Variants in CYP19A1 observed in about 807,000 individuals in gnomAD.
CYP19A1 encodes cytochrome P450 family 19 subfamily A member 1.
CYP19A1 carries 32 observed loss-of-function variants against 44.4 expected under a neutral mutation model. The observed-to-expected ratio is 0.72, with a 90% CI of 0.54 to 0.97. CYP19A1 has a LOEUF of 0.97. Among genes scored for constraint, CYP19A1 ranks in the 50% least tolerant of loss-of-function variants. The pLI, the probability that CYP19A1 is intolerant of heterozygous loss-of-function variation, is 0.00. For synonymous variants in CYP19A1, 212 were observed against 215.6 expected, an observed-to-expected ratio of 0.98 and a Z score of 0.14; for missense variants, 598 against 637.8, an observed-to-expected ratio of 0.94 and a Z score of 0.67.
At chr15:51,304,507 C>T (rs2036175150) in intron 1 of CYP19A1, among the ~76,000 whole-genome samples, 1 of 152,214 alleles carries the variant, frequency 6.6e-6, no homozygotes, top group African/African-American at 2.4e-5. Context: ...AGCCCACTCC[C>T]ATGTCAAGTT....
intron 1 of CYP19A1, among the ~76,000 whole-genome samples, chr15:51,257,868 T>C (rs1176534977): frequency 6.6e-6 from 1 of 152,204 alleles, no homozygotes; most frequent in Non-Finnish European, 1.5e-5. Flanking sequence ...TGTGTGCAAA[T>C]GTGTACATAC....
intron 1 of CYP19A1, among the ~76,000 whole-genome samples, chr15:51,269,044 CAA>C (rs2035029931): frequency 6.6e-6 from 1 of 151,954 alleles, no homozygotes; most frequent in African/African-American, 2.4e-5. Context: ...AATTTTTGAT[CAA>C]GTTTGTCAAG....
At chr15:51,211,421 C>T (rs770783873) in intron 9 of CYP19A1, among the ~76,000 whole-genome samples, 1 of 152,134 alleles carries the variant, frequency 6.6e-6, no homozygotes, top group Non-Finnish European at 1.5e-5. Flanking sequence ...TTGTGTGACA[C>T]CATATAAGAG....
intron 3 of CYP19A1, among the ~76,000 whole-genome samples, chr15:51,232,266 C>T (rs536310589): frequency 6.6e-6 from 1 of 152,320 alleles, no homozygotes; most frequent in African/African-American, 2.4e-5. Context: ...CCTGTGACCT[C>T]CCTGTTGCTA....
chr15:51,288,954 G>A (rs539365151), intron 1 of CYP19A1, among the ~76,000 whole-genome samples: 2 of 152,306 alleles, frequency 1.3e-5, no homozygotes, highest in East Asian at 1.9e-4. Flanking sequence ...TGACCTCCCC[G>A]CAACATAACT....
chr15:51,229,051 A>G (rs554578465), intron 3 of CYP19A1, among the ~76,000 whole-genome samples: 22 of 152,266 alleles, frequency 1.4e-4, no homozygotes, highest in South Asian at 8.3e-4. Flanking sequence ...GTTGAAATAC[A>G]TTCCCAGAGG....
rs117635399 is a variant in CYP19A1, at chr15:51,319,155, C to T, written c.-39+19340G>A. Reference sequence around the variant, plus strand: ...ACTCTCACCATTCCTTTTCAAGCTCCGCCTAAGTGTCTCACCCCTACACCC... The same window carrying T: ...ACTCTCACCATTCCTTTTCAAGCTCTGCCTAAGTGTCTCACCCCTACACCC... On this transcript the variant is annotated intron_variant, in intron 1 of 9. Coordinates refer to ENST00000396402, the MANE Select transcript of CYP19A1 (RefSeq NM_000103.4). 7.2e-5 allele frequency among the ~76,000 whole-genome samples: 11 copies of T among 152,292 alleles called. No individual in the cohort carries two copies. In the East Asian group the frequency reaches 1.2e-3, roughly 16 times the overall value.
chr15:51,292,908 C>A (rs545791031), intron 1 of CYP19A1, among the ~76,000 whole-genome samples: 2 of 151,366 alleles, frequency 1.3e-5, no homozygotes, highest in Admixed American at 6.6e-5. Context: ...TGCTCTGATT[C>A]TCTGCTTGGC....
intron 1 of CYP19A1, among the ~76,000 whole-genome samples, chr15:51,244,813 T>C (rs949069093): frequency 1.3e-5 from 2 of 152,178 alleles, no homozygotes; most frequent in Non-Finnish European, 2.9e-5. Context: ...AGAGATAAGA[T>C]GTTGCAAGCT....
chr15:51,214,844 T>C (rs2031405753), intron 8 of CYP19A1, among the ~76,000 whole-genome samples: 1 of 152,202 alleles, frequency 6.6e-6, no homozygotes, highest in Non-Finnish European at 1.5e-5. Context: ...CATTCTGTGA[T>C]TTAAATTCCT....
intron 1 of CYP19A1, among the ~76,000 whole-genome samples, chr15:51,292,649 G>A (rs2035873430): frequency 6.6e-6 from 1 of 152,154 alleles, no homozygotes; most frequent in Non-Finnish European, 1.5e-5. Flanking sequence ...ACTTGCACGG[G>A]GGCCAAGGGA....
chr15:51,212,631 T>C, intron 8 of CYP19A1, 70 bp from the exon 9 acceptor site: 1 of 1,049,624 alleles, frequency 9.5e-7, no homozygotes, highest in Non-Finnish European at 1.5e-6. Context: ...TTAAAGCTTC[T>C]ATTTTTTTCC....
intron 1 of CYP19A1, among the ~76,000 whole-genome samples, chr15:51,267,741 C>T (rs1486321119): frequency 6.6e-6 from 1 of 152,226 alleles, no homozygotes; most frequent in Non-Finnish European, 1.5e-5. Flanking sequence ...ATGGTGACTG[C>T]AGAGCATTCA....
chr15:51,318,167 C>G (rs1028323531), intron 1 of CYP19A1, among the ~76,000 whole-genome samples: 1 of 151,876 alleles, frequency 6.6e-6, no homozygotes, highest in African/African-American at 2.4e-5. Flanking sequence ...GCACAGTGCT[C>G]GGTGCTTTAT....
chr15:51,227,734 C>G, intron 4 of CYP19A1, 45 bp downstream of exon 4: 3 of 650,206 alleles, frequency 4.6e-6, no homozygotes, highest in Non-Finnish European at 8.0e-6. Flanking sequence ...AAAAAAGGCA[C>G]ATTCATAGAC....
At chr15:51,283,626 A>G (rs2035603413) in intron 1 of CYP19A1, among the ~76,000 whole-genome samples, 1 of 152,214 alleles carries the variant, frequency 6.6e-6, no homozygotes, top group South Asian at 2.1e-4. Flanking sequence ...GGCAATTTGG[A>G]CACAAAAAAG....
At chr15:51,215,278 T>C (rs2031458426) in intron 7 of CYP19A1, 46 bp from the exon 8 acceptor site, 1 of 1,612,782 alleles carries the variant, frequency 6.2e-7, no homozygotes, top group Non-Finnish European at 8.5e-7. Flanking sequence ...TGAATCAAAG[T>C]TTCAAAAAAT....
At chr15:51,253,811 C>G (rs1368294050) in intron 1 of CYP19A1, among the ~76,000 whole-genome samples, 1 of 152,166 alleles carries the variant, frequency 6.6e-6, no homozygotes, top group African/African-American at 2.4e-5. Context: ...AACTAAGAAG[C>G]TTGGTACTGT....
chr15:51,241,506 A>C (rs2033763372), intron 2 of CYP19A1, among the ~76,000 whole-genome samples: 1 of 152,110 alleles, frequency 6.6e-6, no homozygotes, highest in South Asian at 2.1e-4. Flanking sequence ...TTAGCACCTG[A>C]GCCTATGAAG....
Sources: gnomAD v4.1 joint callset for allele counts (sites outside exome capture counted in the v4.1 genomes callset) on GRCh38, gnomAD v4.1.1 for gene constraint, MANE v1.5 for transcripts, NCBI Gene and HGNC (gene_info 2026-07-23, HGNC 2026-07-21) for gene names.